The following DACH1 variants were observed in gnomAD, a reference collection of about 807,000 sequenced individuals.
The protein encoded by DACH1 is dachshund homolog 1.
A neutral mutation model predicts 54.2 loss-of-function variants in DACH1; 12 were observed. The ratio of observed to expected loss-of-function variants is 0.22; its 90% CI spans 0.14 to 0.36. DACH1 has a LOEUF of 0.36. Among genes scored for constraint, DACH1 ranks in the 10% least tolerant of loss-of-function variants. The pLI is 1.00. For synonymous variants in DACH1, 386 were observed against 366.2 expected, an observed-to-expected ratio of 1.05 and a Z score of -0.62; for missense variants, 805 against 929.8, an observed-to-expected ratio of 0.87 and a Z score of 1.75.
In DACH1 at chr13:71,840,790, A is replaced by G. The variant is rs56203646; in HGVS notation, c.848+25132T>C. ...ACCACATCAATATCTGAGCAGATAA[A>G]TTTGATTTCAATTTTTTTATATTCA... On this transcript the variant is annotated intron_variant, in intron 1 of 10. Transcript: ENST00000613252. Among the ~76,000 whole-genome samples, 928 of 152,298 alleles carry G rather than the reference A, an allele frequency of 6.1e-3. 11 individuals carry two copies. Among genetic ancestry groups the G allele is most frequent in the African/African-American group, 0.022 (898 of 41,566 alleles).
At chr13:71,835,392 T>G (rs976674578) in intron 1 of DACH1, among the ~76,000 whole-genome samples, 1 of 152,082 alleles carries the variant, frequency 6.6e-6, no homozygotes, top group Non-Finnish European at 1.5e-5. Context: ...ATCACTGTCA[T>G]TCATGAGAAA....
chr13:71,519,559 C>T (rs1362725849), intron 6 of DACH1, among the ~76,000 whole-genome samples: 1 of 151,420 alleles, frequency 6.6e-6, no homozygotes, highest in Non-Finnish European at 1.5e-5. Flanking sequence ...ATAAATGTCA[C>T]AATTTAATAG....
At chr13:71,865,863 C>T in intron 1 of DACH1, 59 bp downstream of exon 1, 1 of 1,467,862 alleles carries the variant, frequency 6.8e-7, no homozygotes, top group East Asian at 2.7e-5. Flanking sequence ...GGAGCGAGGG[C>T]AGGCGAGCAG....
At chr13:71,798,051 C>T (rs1887128791) in intron 1 of DACH1, among the ~76,000 whole-genome samples, 1 of 151,608 alleles carries the variant, frequency 6.6e-6, no homozygotes, top group Admixed American at 6.6e-5. Context: ...TTAAGGGGAA[C>T]CAAGTAGAAA....
At chr13:71,445,519 C>G (rs1419268117) in intron 10 of DACH1, among the ~76,000 whole-genome samples, 1 of 152,190 alleles carries the variant, frequency 6.6e-6, no homozygotes, top group Non-Finnish European at 1.5e-5. Context: ...CCCCACCTGT[C>G]ACATTCAGGT....
At position 71,450,823 on chromosome 13, in the gene DACH1, C is replaced by G. The variant is rs866239295; in HGVS notation, c.2084-10131G>C. On this transcript the variant is annotated intron_variant, in intron 10 of 10. Transcript: ENST00000613252. ...TAAAAGATCAAACCAACCACATTCC[C>G]TTAAGCCACAACCTCATCCAGAGGA... 4.2e-4 allele frequency among the ~76,000 whole-genome samples: 64 copies of G among 152,252 alleles called. 1 individual carries two copies. Among genetic ancestry groups the G allele is most frequent in the African/African-American group, 1.5e-3 (61 of 41,550 alleles).
At chr13:71,819,037 A>G (rs528445415) in intron 1 of DACH1, among the ~76,000 whole-genome samples, 3 of 152,174 alleles carry the variant, frequency 2.0e-5, no homozygotes, top group Non-Finnish European at 2.9e-5. Flanking sequence ...GCAGAATTGA[A>G]GTAAACCAAT....
intron 10 of DACH1, among the ~76,000 whole-genome samples, chr13:71,453,338 G>C (rs1875249810): frequency 1.3e-5 from 2 of 152,126 alleles, no homozygotes; most frequent in Admixed American, 1.3e-4. Context: ...TTAAAACACA[G>C]CATAGAAGAA....
chr13:71,748,165 T>C (rs184755306), intron 1 of DACH1, among the ~76,000 whole-genome samples: 104 of 151,780 alleles, frequency 6.9e-4, no homozygotes, highest in Non-Finnish European at 1.3e-3. Flanking sequence ...TCTGTTAATA[T>C]TGGGATCTGA....
chr13:71,662,740 G>C (rs1203013666), intron 2 of DACH1, among the ~76,000 whole-genome samples: 2 of 151,768 alleles, frequency 1.3e-5, no homozygotes, highest in African/African-American at 2.4e-5. Flanking sequence ...TTTCATATTT[G>C]TGTTGTACAA....
Position 71,466,970 on chromosome 13 carries a change from T to C in DACH1, c.2083+8171A>G, listed in dbSNP as rs149182983. On this transcript the variant is annotated intron_variant, in intron 10 of 10. Coordinates refer to ENST00000613252, the MANE Select transcript of DACH1 (RefSeq NM_080759.6). ...CATGAAATGTCCCAACACAGACATA[T>C]AATAACAATGGTTTCTTTTTCGTAA... 1.6e-3 allele frequency among the ~76,000 whole-genome samples: 248 copies of C among 151,946 alleles called. 1 individual carries two copies. Among genetic ancestry groups the C allele is most frequent in the African/African-American group, 5.8e-3 (239 of 41,500 alleles).
intron 2 of DACH1, among the ~76,000 whole-genome samples, chr13:71,660,336 G>T (rs954697849): frequency 1.3e-5 from 2 of 151,924 alleles, no homozygotes; most frequent in African/African-American, 2.4e-5. Context: ...ATATACAAGG[G>T]TTTTGAACAT....
chr13:71,596,788 C>T (rs1312020882), intron 3 of DACH1, among the ~76,000 whole-genome samples: 5 of 152,120 alleles, frequency 3.3e-5, no homozygotes, highest in Admixed American at 3.3e-4. Context: ...GGGAAAATTA[C>T]ATTTTTGGCA....
chr13:71,457,802 T>G (rs140342556), intron 10 of DACH1, among the ~76,000 whole-genome samples: 2 of 152,058 alleles, frequency 1.3e-5, no homozygotes, highest in East Asian at 3.9e-4. Context: ...CAGCTTCAAT[T>G]ATGTCCAAAG....
rs1803488340 is a variant in DACH1, at chr13:71,440,194, T to C, written c.*461A>G. The C allele has an allele frequency of 6.5e-6, 1 of 152,768 alleles. No individual in the cohort carries two copies. The highest frequency in any genetic ancestry group is 2.4e-5 in the African/African-American group (1 of 41,400). The allele number at this position is 152,768 out of a possible 1,614,324, so 9.5% of individuals were successfully genotyped here. A position where few individuals can be genotyped will look rare whatever the true frequency, so the allele number is the denominator to read the frequency against. ...AAGAATCCTCTATGCCCCCTACAAG[T>C]TCATTCGTTCATTCCAAGTGTTCTT... On this transcript the variant is annotated 3_prime_UTR_variant, in exon 11 of 11. Coordinates refer to ENST00000613252, the MANE Select transcript of DACH1 (RefSeq NM_080759.6).
chr13:71,541,760 G>C (rs1883139308), intron 6 of DACH1, among the ~76,000 whole-genome samples: 2 of 151,906 alleles, frequency 1.3e-5, no homozygotes, highest in South Asian at 4.1e-4. Flanking sequence ...AGAATACCCT[G>C]TGAAATTTGC....
intron 6 of DACH1, among the ~76,000 whole-genome samples, chr13:71,507,365 C>A (rs1326624925): frequency 6.6e-6 from 1 of 152,140 alleles, no homozygotes; most frequent in Non-Finnish European, 1.5e-5. Flanking sequence ...CCTCCTATAA[C>A]AATAACTTCA....
chr13:71,696,840 C>G (rs1881860378), intron 1 of DACH1, among the ~76,000 whole-genome samples: 1 of 152,132 alleles, frequency 6.6e-6, no homozygotes, highest in African/African-American at 2.4e-5. Flanking sequence ...GCCACCGTGC[C>G]CGGCCTGAAA....
intron 3 of DACH1, among the ~76,000 whole-genome samples, chr13:71,575,717 T>C (rs1200148244): frequency 6.6e-6 from 1 of 152,110 alleles, no homozygotes; most frequent in East Asian, 1.9e-4. Context: ...GTGAATTTTC[T>C]CTAGTAAGTT....
Sources: allele counts gnomAD v4.1 joint callset (sites outside exome capture counted in the v4.1 genomes callset), GRCh38; gene constraint gnomAD v4.1.1; transcripts MANE v1.5; gene names NCBI Gene and HGNC (gene_info 2026-07-23, HGNC 2026-07-21).